SLC26A7: variants seen among roughly 807,000 people sequenced by gnomAD.
SLC26A7 encodes anion exchange transporter.
SLC26A7 carries 59 observed loss-of-function variants against 82.5 expected under a neutral mutation model. That is an observed-to-expected ratio of 0.72 (90% CI 0.58 to 0.89). SLC26A7 has a LOEUF of 0.89. Ranked by LOEUF, SLC26A7 falls within the 40% of genes least tolerant of loss-of-function variation. The pLI, the probability that SLC26A7 is intolerant of heterozygous loss-of-function variation, is 0.00. For missense variants in SLC26A7, 820 were observed against 793.0 expected (o/e 1.03, Z -0.41); for synonymous variants, 271 against 274.3 (o/e 0.99, Z 0.12).
intron 4 of SLC26A7, among the ~76,000 whole-genome samples, chr8:91,312,403 A>G (rs1284118771): frequency 2.0e-5 from 3 of 152,180 alleles, no homozygotes; most frequent in East Asian, 1.9e-4. Context: ...TAATGCTGCT[A>G]TAAATATCAG....
chr8:91,372,021 G>A (rs947207957), intron 15 of SLC26A7, among the ~76,000 whole-genome samples: 1 of 151,888 alleles, frequency 6.6e-6, no homozygotes, highest in African/African-American at 2.4e-5. Flanking sequence ...TTTGTTGGTC[G>A]CATGTATGTC....
At chr8:91,262,967 T>C (rs1811009149) in intron 2 of SLC26A7, among the ~76,000 whole-genome samples, 1 of 152,058 alleles carries the variant, frequency 6.6e-6, no homozygotes, top group Non-Finnish European at 1.5e-5. Context: ...AATGTAACCA[T>C]GTACCACTAT....
intron 1 of SLC26A7, among the ~76,000 whole-genome samples, chr8:91,217,944 G>A (rs1487570436): frequency 1.3e-5 from 2 of 152,140 alleles, no homozygotes; most frequent in African/African-American, 4.8e-5. Flanking sequence ...AAGGGGATGT[G>A]ACTTATGACT....
intron 11 of SLC26A7, among the ~76,000 whole-genome samples, chr8:91,358,696 C>CAACG (rs1275334798): frequency 6.6e-5 from 10 of 151,942 alleles, no homozygotes; most frequent in African/African-American, 1.9e-4. Flanking sequence ...TAATGTCCAA[C>CAACG]ATAGACTGGA....
chr8:91,266,327 G>A (rs28827253), intron 2 of SLC26A7, among the ~76,000 whole-genome samples: 16,660 of 151,824 alleles, frequency 0.11, 1,077 homozygotes, highest in Middle Eastern at 0.21. Flanking sequence ...TCTTTGGATA[G>A]TATGGACATT....
intron 3 of SLC26A7, among the ~76,000 whole-genome samples, chr8:91,290,295 TA>T (rs920364920): frequency 2.6e-5 from 4 of 152,204 alleles, no homozygotes; most frequent in African/African-American, 9.6e-5. Flanking sequence ...GTTGCTGCTG[TA>T]ACAAATTACC....
At chr8:91,344,995 T>G (rs1456477018) in intron 9 of SLC26A7, among the ~76,000 whole-genome samples, 1 of 151,342 alleles carries the variant, frequency 6.6e-6, no homozygotes, top group African/African-American at 2.4e-5. Flanking sequence ...CAGGCTGGAG[T>G]GCAGTGGCAC....
intron 4 of SLC26A7, among the ~76,000 whole-genome samples, chr8:91,307,637 T>C (rs1241447976): frequency 1.7e-5 from 2 of 115,828 alleles, no homozygotes; most frequent in Non-Finnish European, 1.7e-5. Flanking sequence ...CATCACACTC[T>C]GGGGACTGTT....
At chr8:91,261,608 C>G (rs894437323) in intron 2 of SLC26A7, among the ~76,000 whole-genome samples, 7 of 152,036 alleles carry the variant, frequency 4.6e-5, no homozygotes, top group African/African-American at 1.7e-4. Flanking sequence ...TCTTAAAAAG[C>G]TATCAAGGTT....
chr8:91,239,314 G>A (rs530989511), intron 2 of SLC26A7, among the ~76,000 whole-genome samples: 1 of 146,700 alleles, frequency 6.8e-6, no homozygotes, highest in South Asian at 2.1e-4. Flanking sequence ...AGCTCACAGT[G>A]AGCCGAGATC....
At position 91,325,697 on chromosome 8, in the gene SLC26A7, C is replaced by G. The variant is rs112173782; in HGVS notation, c.642+7317C>G. Among the ~76,000 whole-genome samples, 224 of 152,266 alleles carry G rather than the reference C, an allele frequency of 1.5e-3. 2 individuals carry two copies. Among genetic ancestry groups the G allele is most frequent in the African/African-American group, 5.3e-3 (221 of 41,566 alleles). On this transcript the variant is annotated intron_variant, in intron 5 of 18. Coordinates refer to ENST00000276609, the MANE Select transcript of SLC26A7 (RefSeq NM_052832.4). The stretch of plus-strand genomic sequence containing the variant: ...ACTTCATGCTCTGTAATAGTCTCCT[C>G]TTCAAAGAGGTAGCATCTTCCCTCC...
intron 4 of SLC26A7, among the ~76,000 whole-genome samples, chr8:91,312,586 C>T (rs1276019142): frequency 2.0e-5 from 3 of 151,828 alleles, no homozygotes; most frequent in Non-Finnish European, 4.4e-5. Flanking sequence ...ACAAGTGTTG[C>T]AATTCCTACA....
chr8:91,299,923 A>G (rs958170653), intron 4 of SLC26A7, among the ~76,000 whole-genome samples: 2 of 152,230 alleles, frequency 1.3e-5, no homozygotes, highest in African/African-American at 4.8e-5. Context: ...ACATACTAGA[A>G]TCATTAAAAT....
At chr8:91,343,271 T>G (rs1813468204) in intron 8 of SLC26A7, 82 bp from the exon 9 acceptor site, 1 of 852,960 alleles carries the variant, frequency 1.2e-6, no homozygotes, top group Admixed American at 2.2e-5. Flanking sequence ...CAAACAAGCC[T>G]CATTATGTGA....
chr8:91,214,355 T>C (rs939363143), intron 1 of SLC26A7, among the ~76,000 whole-genome samples: 3 of 152,172 alleles, frequency 2.0e-5, no homozygotes, highest in African/African-American at 4.8e-5. Flanking sequence ...TAACCCTCAG[T>C]TGGAGACAGA....
intron 2 of SLC26A7, among the ~76,000 whole-genome samples, chr8:91,243,674 T>A (rs1810503911): frequency 6.6e-6 from 1 of 152,162 alleles, no homozygotes. Flanking sequence ...AAATGAGTAA[T>A]CTTAGGAACT....
chr8:91,231,087 G>T (rs1217679263), intron 2 of SLC26A7, among the ~76,000 whole-genome samples: 1 of 152,166 alleles, frequency 6.6e-6, no homozygotes, highest in South Asian at 2.1e-4. Flanking sequence ...GTGCCAAGTA[G>T]CAAGGTAAGA....
At chr8:91,234,823 A>ACCTC (rs1810366993) in intron 2 of SLC26A7, among the ~76,000 whole-genome samples, 2 of 74,328 alleles carry the variant, frequency 2.7e-5, no homozygotes, top group Non-Finnish European at 5.0e-5. Flanking sequence ...CTACCTACCT[A>ACCTC]CCTACTTCCT....
At chr8:91,256,495 A>C (rs1174271737) in intron 2 of SLC26A7, among the ~76,000 whole-genome samples, 1 of 152,130 alleles carries the variant, frequency 6.6e-6, no homozygotes, top group African/African-American at 2.4e-5. Flanking sequence ...GTCTCAGTAC[A>C]TGTATGAGAC....
Sources: gnomAD v4.1 joint callset for allele counts (sites outside exome capture counted in the v4.1 genomes callset) on GRCh38, gnomAD v4.1.1 for gene constraint, MANE v1.5 for transcripts, NCBI Gene and HGNC (gene_info 2026-07-23, HGNC 2026-07-21) for gene names.